Variants in PPP4R3C observed in about 807,000 individuals in gnomAD.
The protein encoded by PPP4R3C is protein phosphatase 4 regulatory subunit 3C.
For missense variants in PPP4R3C, 372 were observed against 237.3 expected, an observed-to-expected ratio of 1.57 and a Z score of -3.73; for synonymous variants, 150 against 86.5, an observed-to-expected ratio of 1.73 and a Z score of -4.07.
In PPP4R3C at chrX:27,460,579, C is replaced by G; in HGVS notation, c.*219G>C. 1 of 289,340 alleles carries G rather than the reference C, an allele frequency of 3.5e-6. No individual in the cohort carries two copies. The allele number at this position is 289,340 out of a possible 1,213,427, so 23.8% of individuals were successfully genotyped here. ...CCCCAAATCGTGACACAAATTAAGA[C>G]TTTCTTGCTAAAAAGTTTATCACCC... On this transcript the variant is annotated 3_prime_UTR_variant, in exon 1 of 1. Coordinates refer to ENST00000412172, the MANE Select transcript of PPP4R3C (RefSeq NM_207319.4).
rs2146837896 is a variant in PPP4R3C, at chrX:27,460,718, T to G, written c.*80A>C. Reference sequence around the variant, plus strand: ...TCATTATAAGTTCACATGAAAAAGCTTGTGGAATCAGTCTTTTTAGCTTAT... The same window carrying G: ...TCATTATAAGTTCACATGAAAAAGCGTGTGGAATCAGTCTTTTTAGCTTAT... On this transcript the variant is annotated 3_prime_UTR_variant, in exon 1 of 1. Transcript: ENST00000412172. 1 of 425,618 alleles carries G rather than the reference T, an allele frequency of 2.3e-6. No individual in the cohort carries two copies. The highest frequency in any genetic ancestry group is 2.5e-5 in the African/African-American group (1 of 40,107). The allele number at this position is 425,618 out of a possible 1,213,427, so 35.1% of individuals were successfully genotyped here.
chrX:27,460,910 C>T lies in PPP4R3C; in HGVS notation c.2387G>A (p.Arg796His), dbSNP rs753253169. 6.7e-4 allele frequency: 345 copies of T among 512,618 alleles called. 1 individual carries two copies. Among genetic ancestry groups the T allele is most frequent in the Middle Eastern group, 3.1e-4 (1 of 3,220 alleles). The allele number at this position is 512,618 out of a possible 1,213,427, so 42.2% of individuals were successfully genotyped here. A position where few individuals can be genotyped will look rare whatever the true frequency, so the allele number is the denominator to read the frequency against. ...TTCATCATCTGGATGATCCACTAAA[C>T]GAACCACACTGCTACCACTTGGGCT... ...TGSPSGSSVV[R>H]LVDHPDDEEE... Residue 796 changes from arginine (R) to histidine (H), a missense_variant, in exon 1 of 1, where the codon CGT (arginine) becomes CAT (histidine). Arg to His is a conservative substitution (Grantham distance 29, BLOSUM62 0). Transcript: ENST00000412172.
rs1412864798 is a variant in PPP4R3C at position 27,463,126 on chromosome X, A to T, written c.171T>A (p.Pro57=). Residue 57 remains proline (P), a synonymous_variant, in exon 1 of 1, where the codon CCT becomes CCA. Transcript: ENST00000412172. ...GGTATTTCCCATAGGGCCTGTCTGG[A>T]GGTATCTGTGACCGCAGGATGACCG... ...DGSVILRSQI[P]PDRPYGKYQE... 2.0e-6 allele frequency: 1 copy of T among 512,431 alleles called. No individual in the cohort carries two copies. Among genetic ancestry groups the T allele is most frequent in the Non-Finnish European group, 3.5e-6 (1 of 286,567 alleles). The allele number at this position is 512,431 out of a possible 1,213,427, so 42.2% of individuals were successfully genotyped here.
rs1205213864 is a variant in PPP4R3C, at chrX:27,461,433, T to C, written c.1864A>G (p.Ile622Val). The stretch of plus-strand genomic sequence containing the variant: ...AGTGTGTTATAAAACTTTTCAACTA[T>C]ATGTGAAACAAGAGGCTTGATATTT... ...VENIKPLVSH[I>V]VEKFYNTLES... Residue 622 changes from isoleucine to valine, a missense_variant, in exon 1 of 1, where the codon ATA becomes GTA. Ile to Val is a conservative substitution (Grantham distance 29, BLOSUM62 3). Transcript: ENST00000412172. 1.9e-6 allele frequency: 1 copy of C among 516,032 alleles called. No homozygotes were observed. The highest frequency in any genetic ancestry group is 3.5e-6 in the Non-Finnish European group (1 of 286,964). The allele number at this position is 516,032 out of a possible 1,213,427, so 42.5% of individuals were successfully genotyped here.
At position 27,460,345 on chromosome X, in the gene PPP4R3C, T is replaced by A. The variant is rs1922931341; in HGVS notation, c.*453A>T. 8.9e-6 allele frequency: 1 copy of A among 112,681 alleles called. No individual in the cohort carries two copies. Among genetic ancestry groups the A allele is most frequent in the Non-Finnish European group, 1.9e-5 (1 of 53,597 alleles). 9.3% of individuals were successfully genotyped at this position (112,681 alleles called of 1,213,427 possible). A position where few individuals can be genotyped will look rare whatever the true frequency, so the allele number is the denominator to read the frequency against. On this transcript the variant is annotated 3_prime_UTR_variant, in exon 1 of 1. Transcript: ENST00000412172. ...CTAACATTTTTTATAGTTAACTTTG[T>A]TTTTCATATAAACATAAACTTTTGT...
At position 27,463,058 on chromosome X, in the gene PPP4R3C, A is replaced by G; in HGVS notation, c.239T>C (p.Leu80Ser). 1.9e-6 allele frequency: 1 copy of G among 514,913 alleles called. No homozygotes were observed. Among genetic ancestry groups the G allele is most frequent in the Non-Finnish European group, 3.5e-6 (1 of 286,974 alleles). The allele number at this position is 514,913 out of a possible 1,213,427, so 42.4% of individuals were successfully genotyped here. A position where few individuals can be genotyped will look rare whatever the true frequency, so the allele number is the denominator to read the frequency against. ...GGCTGGGTCCTGGAATTTTAGCACC[A>G]AACCCTGGTTCTCAGCTTCATACCA... The part of the protein sequence containing the change: ...IVWYEAENQG[L>S]VLKFQDPAGC... The change falls in exon 1 of 1, where the codon TTG becomes TCG. Residue 80 changes from leucine to serine, a missense_variant. Transcript: ENST00000412172.
Position 27,463,165 on chromosome X carries a change from T to G in PPP4R3C, c.132A>C (p.Ser44=), listed in dbSNP as rs953779253. The change falls in exon 1 of 1, where the codon TCA becomes TCC. Residue 44 remains serine (S), a synonymous_variant. Coordinates refer to ENST00000412172, the MANE Select transcript of PPP4R3C (RefSeq NM_207319.4). ...GCAGGATGACCGACCCATCTGAATC[T>G]GACCGAACAAGCAGCGACATGCCCT... ...QFQGMSLLVR[S]DSDGSVILRS... 3.9e-6 allele frequency: 2 copies of G among 512,695 alleles called. No homozygotes were observed. The highest frequency in any genetic ancestry group is 4.6e-5 in the African/African-American group (2 of 43,064). 42.3% of individuals were successfully genotyped at this position (512,695 alleles called of 1,213,427 possible).
rs1156591361 is a variant in PPP4R3C, at chrX:27,461,872, T to G, written c.1425A>C (p.Thr475=). The G allele has an allele frequency of 1.9e-6, 1 of 513,645 alleles. No homozygotes were observed. The highest frequency in any genetic ancestry group is 2.3e-5 in the African/African-American group (1 of 43,316). 42.3% of individuals were successfully genotyped at this position (513,645 alleles called of 1,213,427 possible). ...CTGAGGTGGCAGCCAAAAGTGGTGC[T>G]GTAAATTTATGCATGCAATGTTTGT... is the stretch of plus-strand genomic sequence containing the variant. ...FFYKHCMHKF[T]APLLAATSEH... Residue 475 remains threonine (T), a synonymous_variant, in exon 1 of 1, where the codon ACA becomes ACC. Coordinates refer to ENST00000412172, the MANE Select transcript of PPP4R3C (RefSeq NM_207319.4).
Position 27,461,891 on chromosome X carries a change from T to C in PPP4R3C, c.1406A>G (p.His469Arg), listed in dbSNP as rs772543390. 13 of 513,651 alleles carry C rather than the reference T, an allele frequency of 2.5e-5. No individual in the cohort carries two copies. The highest frequency in any genetic ancestry group is 5.3e-5 in the Admixed American group (2 of 37,622). The allele number at this position is 513,651 out of a possible 1,213,427, so 42.3% of individuals were successfully genotyped here. A position where few individuals can be genotyped will look rare whatever the true frequency, so the allele number is the denominator to read the frequency against. ...RSEFLHFFYK[H>R]CMHKFTAPLL... ...TGGTGCTGTAAATTTATGCATGCAA[T>C]GTTTGTAGAAGAAATGTAGAAATTC... The change falls in exon 1 of 1, where the codon CAT becomes CGT. Residue 469 changes from histidine (H) to arginine (R), a missense_variant. By Grantham distance (29) the His-to-Arg change is conservative. Transcript: ENST00000412172.
Position 27,462,822 on chromosome X carries a change from T to C in PPP4R3C, c.475A>G (p.Arg159Gly). 1.9e-6 allele frequency: 1 copy of C among 515,615 alleles called. No homozygotes were observed. The highest frequency in any genetic ancestry group is 3.5e-6 in the Non-Finnish European group (1 of 287,128). The allele number at this position is 515,615 out of a possible 1,213,427, so 42.5% of individuals were successfully genotyped here. ...TSVFSSPVTD[R>G]ERLAEILKNE... ...TTCAAGATCTCAGCCAGTCTTTCCCTATCCGTAACAGGTGACGAGAAAACT... is the reference window on the plus strand; with the variant it reads ...TTCAAGATCTCAGCCAGTCTTTCCCCATCCGTAACAGGTGACGAGAAAACT... The change falls in exon 1 of 1, where the codon AGG (arginine) becomes GGG (glycine). Residue 159 changes from arginine to glycine, a missense_variant. Coordinates refer to ENST00000412172, the MANE Select transcript of PPP4R3C (RefSeq NM_207319.4).
chrX:27,461,187 T>C lies in PPP4R3C; in HGVS notation c.2110A>G (p.Met704Val), dbSNP rs959839943. The C allele has an allele frequency of 1.6e-5, 8 of 511,029 alleles. No homozygotes were observed. The highest frequency in any genetic ancestry group is 2.5e-5 in the South Asian group (1 of 40,236). The allele number at this position is 511,029 out of a possible 1,213,427, so 42.1% of individuals were successfully genotyped here. The change falls in exon 1 of 1, where the codon ATG (methionine) becomes GTG (valine). Residue 704 changes from methionine to valine, a missense_variant. Transcript: ENST00000412172. ...CCTTCTTGGGTTCTTTTGGTCTCCA[T>C]AAATTCATCGTCATCTTCCAGTGGT... ...MPPLEDDDEF[M>V]ETKRTQEGEA...
Position 27,460,715 on chromosome X carries a change from AG to A in PPP4R3C, c.*82del, listed in dbSNP as rs1278992093. The A allele has an allele frequency of 8.8e-5, 37 of 422,646 alleles. No individual in the cohort carries two copies. Among genetic ancestry groups the A allele is most frequent in the African/African-American group, 7.5e-4 (30 of 39,967 alleles). 34.8% of individuals were successfully genotyped at this position (422,646 alleles called of 1,213,427 possible). A position where few individuals can be genotyped will look rare whatever the true frequency, so the allele number is the denominator to read the frequency against. On this transcript the variant is annotated 3_prime_UTR_variant, in exon 1 of 1. Transcript: ENST00000412172. ...TTATCATTATAAGTTCACATGAAAA[AG>A]CTTGTGGAATCAGTCTTTTTAGCTT...
rs1490685877 is a variant in PPP4R3C at position 27,460,932 on chromosome X, G to T, written c.2365C>A (p.Pro789Thr). 7.8e-6 allele frequency: 4 copies of T among 514,092 alleles called. No homozygotes were observed. The Admixed American group carries it at 1.1e-4, about 14-fold the overall frequency. The allele number at this position is 514,092 out of a possible 1,213,427, so 42.4% of individuals were successfully genotyped here. A position where few individuals can be genotyped will look rare whatever the true frequency, so the allele number is the denominator to read the frequency against. ...AAACGAACCACACTGCTACCACTTG[G>T]GCTACCTGTTCCAATAGCAGCACAA... is the stretch of plus-strand genomic sequence containing the variant. Reference protein sequence around the residue: ...SACAAIGTGSPSGSSVVRLVD... With the variant: ...SACAAIGTGSTSGSSVVRLVD... The change falls in exon 1 of 1, where the codon CCA (proline) becomes ACA (threonine). Residue 789 changes from proline to threonine, a missense_variant. Physicochemically the swap from Pro to Thr is conservative, Grantham distance 38. Coordinates refer to ENST00000412172, the MANE Select transcript of PPP4R3C (RefSeq NM_207319.4).
rs1039906989 is a variant in PPP4R3C at position 27,463,282 on chromosome X, C to T, written c.15G>A (p.Arg5=). The change falls in exon 1 of 1, where the codon AGG becomes AGA. Residue 5 remains arginine, a synonymous_variant. Coordinates refer to ENST00000412172, the MANE Select transcript of PPP4R3C (RefSeq NM_207319.4). The part of the protein sequence containing the change: MAGL[R]YSVKVYVLNE... The stretch of plus-strand genomic sequence containing the variant: ...TCAGGACATAGACTTTTACACTGTA[C>T]CTCAGGCCTGCCATAGCGTCCTCTG... The T allele has an allele frequency of 2.0e-6, 1 of 508,932 alleles. No homozygotes were observed. The highest frequency in any genetic ancestry group is 2.3e-5 in the African/African-American group (1 of 43,169). The allele number at this position is 508,932 out of a possible 1,213,427, so 41.9% of individuals were successfully genotyped here.
rs868457491 is a variant in PPP4R3C at position 27,461,144 on chromosome X, G to T, written c.2153C>A (p.Pro718Gln). The T allele has an allele frequency of 1.6e-5, 8 of 511,488 alleles. No individual in the cohort carries two copies. The highest frequency in any genetic ancestry group is 7.0e-5 in the African/African-American group (3 of 42,703). The allele number at this position is 511,488 out of a possible 1,213,427, so 42.2% of individuals were successfully genotyped here. A position where few individuals can be genotyped will look rare whatever the true frequency, so the allele number is the denominator to read the frequency against. ...CGTAAATTTATCGTCATCTTCCAGT[G>T]GTGGCATAACTGCTTCTCCTTCTTG... ...RTQEGEAVMP[P>Q]LEDDDKFTET... Residue 718 changes from proline to glutamine, a missense_variant, in exon 1 of 1, where the codon CCA becomes CAA. Coordinates refer to ENST00000412172, the MANE Select transcript of PPP4R3C (RefSeq NM_207319.4).
Position 27,461,620 on chromosome X carries a change from G to A in PPP4R3C, c.1677C>T (p.Arg559=), listed in dbSNP as rs1922967122. Residue 559 remains arginine (R), a synonymous_variant, in exon 1 of 1, where the codon CGC becomes CGT. Coordinates refer to ENST00000412172, the MANE Select transcript of PPP4R3C (RefSeq NM_207319.4). ...KHTHLILCVL[R]FMRRMICLND... is the part of the protein sequence containing the mutation. Reference sequence around the variant, plus strand: ...TAAGGCAAATCATCCTTCTCATAAAGCGAAGAACACACAAAATCAGGTGAG... The same window carrying A: ...TAAGGCAAATCATCCTTCTCATAAAACGAAGAACACACAAAATCAGGTGAG... The A allele has an allele frequency of 1.9e-6, 1 of 515,804 alleles. No homozygotes were observed. Among genetic ancestry groups the A allele is most frequent in the East Asian group, 3.6e-5 (1 of 27,726 alleles). The allele number at this position is 515,804 out of a possible 1,213,427, so 42.5% of individuals were successfully genotyped here.
chrX:27,461,130 C>T lies in PPP4R3C; in HGVS notation c.2167G>A (p.Asp723Asn), dbSNP rs774934278. ...GTTCTTTTGGTCTCCGTAAATTTATCGTCATCTTCCAGTGGTGGCATAACT... is the reference window on the plus strand; with the variant it reads ...GTTCTTTTGGTCTCCGTAAATTTATTGTCATCTTCCAGTGGTGGCATAACT... Reference protein sequence around the residue: ...EAVMPPLEDDDKFTETKRTHQ... With the variant: ...EAVMPPLEDDNKFTETKRTHQ... Residue 723 changes from aspartate (D) to asparagine (N), a missense_variant, in exon 1 of 1, where the codon GAT becomes AAT. Asp to Asn is a conservative substitution (Grantham distance 23). Transcript: ENST00000412172. 1.3e-4 allele frequency: 65 copies of T among 511,323 alleles called. No homozygotes were observed. Among genetic ancestry groups the T allele is most frequent in the Middle Eastern group, 3.1e-4 (1 of 3,200 alleles). 42.1% of individuals were successfully genotyped at this position (511,323 alleles called of 1,213,427 possible).
Position 27,462,522 on chromosome X carries a change from G to A in PPP4R3C, c.775C>T (p.Leu259Phe). The A allele has an allele frequency of 1.9e-6, 1 of 533,597 alleles. No homozygotes were observed. The highest frequency in any genetic ancestry group is 3.4e-6 in the Non-Finnish European group (1 of 295,309). The allele number at this position is 533,597 out of a possible 1,213,427, so 44.0% of individuals were successfully genotyped here. A position where few individuals can be genotyped will look rare whatever the true frequency, so the allele number is the denominator to read the frequency against. ...KEVIPITNSE[L>F]RQKIHQTYRL... ...TATGTCTGATGTATTTTTTGCCTAAGTTCAGAGTTAGTTATTGGTATAACT... is the reference window on the plus strand; with the variant it reads ...TATGTCTGATGTATTTTTTGCCTAAATTCAGAGTTAGTTATTGGTATAACT... Residue 259 changes from leucine to phenylalanine, a missense_variant, in exon 1 of 1, where the codon CTT (leucine) becomes TTT (phenylalanine). Coordinates refer to ENST00000412172, the MANE Select transcript of PPP4R3C (RefSeq NM_207319.4).
chrX:27,462,649 G>A lies in PPP4R3C; in HGVS notation c.648C>T (p.Asp216=), dbSNP rs7055244. 0.013 allele frequency: 7,085 copies of A among 558,465 alleles called. 342 individuals are homozygous for A. In the African/African-American group the frequency reaches 0.14, roughly 11 times the overall value. 46.0% of individuals were successfully genotyped at this position (558,465 alleles called of 1,213,427 possible). ...EACLFEIMFS[D]ECIMDVVGCL... ...ATCCCACCACATCCATGATACACTCGTCAGAAAACATTATCTCAAACAGAC... is the reference window on the plus strand; with the variant it reads ...ATCCCACCACATCCATGATACACTCATCAGAAAACATTATCTCAAACAGAC... The change falls in exon 1 of 1, where the codon GAC becomes GAT. Residue 216 remains aspartate, a synonymous_variant. Coordinates refer to ENST00000412172, the MANE Select transcript of PPP4R3C (RefSeq NM_207319.4).
Sources: allele counts gnomAD v4.1 joint callset, GRCh38; gene constraint gnomAD v4.1.1; transcripts MANE v1.5; gene names NCBI Gene and HGNC (gene_info 2026-07-23, HGNC 2026-07-21).